PTPRD: variants seen among roughly 807,000 people sequenced by gnomAD.
PTPRD encodes the protein protein tyrosine phosphatase receptor type D, also known as receptor-type tyrosine-protein phosphatase delta.
A neutral mutation model predicts 214.5 loss-of-function variants in PTPRD; 34 were observed. The observed-to-expected ratio is 0.16, with a 90% CI of 0.12 to 0.21. The LOEUF (loss-of-function observed/expected upper bound fraction) is 0.21, where lower values mean the gene tolerates loss of function less well. PTPRD is among the 10% of genes least tolerant of loss of function. The pLI is 1.00. For missense variants in PTPRD, 2,545 were observed against 2,398.7 expected (o/e 1.06, Z -1.27); for synonymous variants, 1,128 against 845.7 (o/e 1.33, Z -5.79).
intron 10 of PTPRD, among the ~76,000 whole-genome samples, chr9:9,097,305 C>G (rs1041954952): frequency 1.3e-5 from 2 of 151,896 alleles, no homozygotes; most frequent in Non-Finnish European, 2.9e-5. Flanking sequence ...GGGCCTAAAG[C>G]AAAGGTTTTT....
intron 12 of PTPRD, among the ~76,000 whole-genome samples, chr9:8,706,112 A>G (rs2098201518): frequency 6.6e-6 from 1 of 152,224 alleles, no homozygotes. Flanking sequence ...AAAGAAGCCA[A>G]TTATGAATTT....
intron 39 of PTPRD, among the ~76,000 whole-genome samples, chr9:8,347,726 G>C (rs1489651030): frequency 6.6e-6 from 1 of 152,148 alleles, no homozygotes; most frequent in African/African-American, 2.4e-5. Context: ...TAATCAGATA[G>C]GATGGATGTC....
intron 12 of PTPRD, among the ~76,000 whole-genome samples, chr9:8,696,643 G>A (rs1409994239): frequency 6.6e-6 from 1 of 152,148 alleles, no homozygotes; most frequent in Non-Finnish European, 1.5e-5. Flanking sequence ...GGAAGACAAT[G>A]GATGAAAATG....
At chr9:9,056,206 G>A (rs989892846) in intron 10 of PTPRD, among the ~76,000 whole-genome samples, 2 of 152,148 alleles carry the variant, frequency 1.3e-5, no homozygotes, top group Non-Finnish European at 2.9e-5. Flanking sequence ...GACTACAGGA[G>A]AGCTAACTTT....
chr9:9,092,691 C>A (rs1317550374), intron 10 of PTPRD, among the ~76,000 whole-genome samples: 1 of 152,014 alleles, frequency 6.6e-6, no homozygotes, highest in East Asian at 1.9e-4. Context: ...GACAATGGAT[C>A]TGAAACCACT....
intron 2 of PTPRD, among the ~76,000 whole-genome samples, chr9:10,405,641 G>A (rs557843515): frequency 6.6e-6 from 1 of 151,646 alleles, no homozygotes; most frequent in South Asian, 2.1e-4. Context: ...TTAAAGAAGT[G>A]TATGTACAGA....
At chr9:8,871,485 T>A (rs1226717637) in intron 11 of PTPRD, among the ~76,000 whole-genome samples, 3 of 152,174 alleles carry the variant, frequency 2.0e-5, no homozygotes, top group Non-Finnish European at 4.4e-5. Context: ...TGGGAAATTT[T>A]ATGGTAGAGT....
chr9:10,394,088 ATATC>A (rs2098123567), intron 2 of PTPRD, among the ~76,000 whole-genome samples: 1 of 145,798 alleles, frequency 6.9e-6, no homozygotes, highest in African/African-American at 2.5e-5. Flanking sequence ...AGAGAGAAAC[ATATC>A]TATCTCTCTC....
At chr9:10,453,763 C>G (rs1284696001) in intron 2 of PTPRD, among the ~76,000 whole-genome samples, 1 of 151,570 alleles carries the variant, frequency 6.6e-6, no homozygotes, top group Non-Finnish European at 1.5e-5. Flanking sequence ...CATGTACCTT[C>G]TTCCCTTCCA....
chr9:10,297,876 A>C (rs117052060), intron 3 of PTPRD, among the ~76,000 whole-genome samples: 1 of 152,178 alleles, frequency 6.6e-6, no homozygotes, highest in East Asian at 1.9e-4. Context: ...CAGACATAGA[A>C]ATAAGGCATT....
chr9:9,000,975 G>A (rs888774059), intron 11 of PTPRD, among the ~76,000 whole-genome samples: 40 of 151,842 alleles, frequency 2.6e-4, no homozygotes, highest in Non-Finnish European at 5.0e-4. Flanking sequence ...AGCAAAGCAC[G>A]CACAGCCAGC....
chr9:10,281,314 G>C (rs2095097803), intron 3 of PTPRD, among the ~76,000 whole-genome samples: 2 of 149,878 alleles, frequency 1.3e-5, no homozygotes. Context: ...TTTTTCAGTT[G>C]TATCATTTGC....
At chr9:8,723,869 T>C (rs536201885) in intron 12 of PTPRD, among the ~76,000 whole-genome samples, 1 of 152,354 alleles carries the variant, frequency 6.6e-6, no homozygotes, top group South Asian at 2.1e-4. Context: ...ATAGATTGTG[T>C]GCTATTTTTT....
At chr9:9,196,322 C>T (rs149735878) in intron 9 of PTPRD, among the ~76,000 whole-genome samples, 18 of 152,254 alleles carry the variant, frequency 1.2e-4, no homozygotes, top group African/African-American at 4.1e-4. Context: ...TCTAATTGAT[C>T]ATTTTATATG....
At chr9:10,207,958 T>G (rs1246660632) in intron 3 of PTPRD, among the ~76,000 whole-genome samples, 1 of 152,150 alleles carries the variant, frequency 6.6e-6, no homozygotes, top group African/African-American at 2.4e-5. Flanking sequence ...ACATTCAGAG[T>G]TGTTTCCTTG....
chr9:9,168,197 G>T (rs1009515246), intron 10 of PTPRD, among the ~76,000 whole-genome samples: 1 of 152,116 alleles, frequency 6.6e-6, no homozygotes, highest in Admixed American at 6.6e-5. Context: ...CAAAGAGTTT[G>T]TATAGGCCAC....
At chr9:9,970,809 G>T (rs571813351) in intron 4 of PTPRD, among the ~76,000 whole-genome samples, 1 of 152,134 alleles carries the variant, frequency 6.6e-6, no homozygotes, top group African/African-American at 2.4e-5. Context: ...CTGGCCCACA[G>T]AAAACCATGG....
intron 39 of PTPRD, among the ~76,000 whole-genome samples, chr9:8,372,713 C>T (rs10977012): frequency 0.079 from 12,019 of 152,046 alleles, 597 homozygotes; most frequent in Middle Eastern, 0.17. Flanking sequence ...GCCTTGTCTG[C>T]GCTTGTTGCA....
intron 5 of PTPRD, among the ~76,000 whole-genome samples, chr9:9,929,792 C>G (rs1602542591): frequency 6.6e-6 from 1 of 152,030 alleles, no homozygotes; most frequent in East Asian, 2.0e-4. Flanking sequence ...TAAAAAGTTA[C>G]ATAGAGCTAT....
Sources: gnomAD v4.1 joint callset for allele counts (sites outside exome capture counted in the v4.1 genomes callset) on GRCh38, gnomAD v4.1.1 for gene constraint, MANE v1.5 for transcripts, NCBI Gene and HGNC (gene_info 2026-07-23, HGNC 2026-07-21) for gene names.